Variants in NXPH1 observed in about 807,000 individuals in gnomAD.
The protein encoded by NXPH1 is neurexophilin 1, also known as neurexophilin-1.
NXPH1 carries 5 observed loss-of-function variants against 23.7 expected under a neutral mutation model. The observed-to-expected ratio is 0.21, with a 90% CI of 0.11 to 0.44. The LOEUF (loss-of-function observed/expected upper bound fraction) is 0.44, where lower values mean the gene tolerates loss of function less well. NXPH1 is among the 20% of genes least tolerant of loss of function. The pLI, the probability that NXPH1 is intolerant of heterozygous loss-of-function variation, is 0.99. For missense variants in NXPH1, 324 were observed against 321.6 expected (o/e 1.01, Z -0.06); for synonymous variants, 144 against 122.2 (o/e 1.18, Z -1.18).
chr7:8,507,169 G>A (rs1186528521), intron 2 of NXPH1, among the ~76,000 whole-genome samples: 1 of 151,654 alleles, frequency 6.6e-6, no homozygotes, highest in African/African-American at 2.4e-5. Flanking sequence ...ATTGGGTTTA[G>A]CTATGGGTTA....
At chr7:8,643,233 G>C (rs939224637) in intron 2 of NXPH1, among the ~76,000 whole-genome samples, 9 of 152,120 alleles carry the variant, frequency 5.9e-5, no homozygotes, top group Non-Finnish European at 8.8e-5. Flanking sequence ...ATGATAAATA[G>C]CTGGTACATT....
At chr7:8,443,642 A>C (rs1379279394) in intron 2 of NXPH1, among the ~76,000 whole-genome samples, 2 of 152,246 alleles carry the variant, frequency 1.3e-5, no homozygotes. Context: ...CACGGGGAGC[A>C]GGACAAACCA....
At chr7:8,669,354 G>A (rs558532421) in intron 2 of NXPH1, among the ~76,000 whole-genome samples, 15 of 152,208 alleles carry the variant, frequency 9.9e-5, no homozygotes, top group African/African-American at 3.1e-4. Context: ...CAAAGGGCCT[G>A]GCCTAGAGGT....
intron 2 of NXPH1, among the ~76,000 whole-genome samples, chr7:8,686,704 C>A (rs550254954): frequency 6.6e-6 from 1 of 152,198 alleles, no homozygotes; most frequent in African/African-American, 2.4e-5. Context: ...TGGTTCTAAT[C>A]TTGTTAAATT....
intron 2 of NXPH1, among the ~76,000 whole-genome samples, chr7:8,722,195 G>A (rs1779980714): frequency 1.3e-5 from 2 of 151,914 alleles, no homozygotes; most frequent in South Asian, 4.1e-4. Flanking sequence ...TAATATTATA[G>A]TTATTTAACA....
At chr7:8,750,168 T>C (rs749522154) in intron 2 of NXPH1, among the ~76,000 whole-genome samples, 7 of 152,210 alleles carry the variant, frequency 4.6e-5, no homozygotes, top group Admixed American at 2.0e-4. Flanking sequence ...TTGCTTATTA[T>C]AGGTGATAGT....
At chr7:8,750,145 T>C (rs17154764) in intron 2 of NXPH1, among the ~76,000 whole-genome samples, 1,882 of 152,312 alleles carry the variant, frequency 0.012, 35 homozygotes, top group African/African-American at 0.043. Flanking sequence ...TTATGTCTTA[T>C]TCAATATATT....
chr7:8,609,756 G>A (rs1034755216), intron 2 of NXPH1, among the ~76,000 whole-genome samples: 4 of 152,094 alleles, frequency 2.6e-5, no homozygotes, highest in African/African-American at 9.7e-5. Flanking sequence ...TTTCTCCCAA[G>A]CTCTCAGAGC....
At chr7:8,495,313 A>C (rs1348282607) in intron 2 of NXPH1, among the ~76,000 whole-genome samples, 2 of 120,012 alleles carry the variant, frequency 1.7e-5, no homozygotes, top group African/African-American at 6.9e-5. Flanking sequence ...AGACCCACCC[A>C]CATTATGGAG....
intron 2 of NXPH1, among the ~76,000 whole-genome samples, chr7:8,557,610 C>T (rs1377368048): frequency 6.6e-6 from 1 of 151,618 alleles, no homozygotes; most frequent in African/African-American, 2.4e-5. Flanking sequence ...ATGTACCCAG[C>T]AGTAATGGGG....
intron 2 of NXPH1, among the ~76,000 whole-genome samples, chr7:8,487,501 A>G (rs145206120): frequency 2.0e-5 from 3 of 152,212 alleles, no homozygotes; most frequent in East Asian, 1.9e-4. Context: ...TAAATTACCT[A>G]TTCATGGGTA....
chr7:8,449,699 G>A (rs1757186307), intron 2 of NXPH1, among the ~76,000 whole-genome samples: 1 of 152,192 alleles, frequency 6.6e-6, no homozygotes, highest in African/African-American at 2.4e-5. Context: ...TGTTATGTTT[G>A]TGTTGGAGAG....
intron 2 of NXPH1, among the ~76,000 whole-genome samples, chr7:8,670,976 C>T (rs1432134142): frequency 6.6e-6 from 1 of 152,128 alleles, no homozygotes; most frequent in Admixed American, 6.5e-5. Context: ...TACTCATCTG[C>T]CTGAGTCATC....
intron 2 of NXPH1, among the ~76,000 whole-genome samples, chr7:8,542,475 C>G (rs1390331442): frequency 1.3e-5 from 2 of 151,486 alleles, no homozygotes; most frequent in African/African-American, 2.4e-5. Context: ...AAAAATTGAT[C>G]TAATCTGCAG....
At position 8,710,640 on chromosome 7, in the gene NXPH1, GTTTTTTGTTTTTTTTTTTT is replaced by G. The variant is rs1438100087; in HGVS notation, c.55-40361_55-40343del. ...TTGAACAAAGCATGTCAACTGTTAC[GTTTTTTGTTTTTTTTTTTT>G]TTTTTTTTTTTTTTGAGACGGAGTC... is the stretch of plus-strand genomic sequence containing the variant. On this transcript the variant is annotated intron_variant, in intron 2 of 2. Transcript: ENST00000405863. 1.4e-4 allele frequency among the ~76,000 whole-genome samples: 4 copies of G among 27,672 alleles called. 1 individual carries two copies. The highest frequency in any genetic ancestry group is 2.4e-4 in the Non-Finnish European group (4 of 16,372). 18.2% of individuals were successfully genotyped at this position (27,672 alleles called of 152,430 possible).
chr7:8,606,960 T>G (rs982367698), intron 2 of NXPH1, among the ~76,000 whole-genome samples: 1 of 152,166 alleles, frequency 6.6e-6, no homozygotes, highest in African/African-American at 2.4e-5. Context: ...GATTGCTTGA[T>G]TTCTGATGTT....
intron 2 of NXPH1, among the ~76,000 whole-genome samples, chr7:8,646,187 A>G (rs1195028818): frequency 1.3e-5 from 2 of 151,954 alleles, no homozygotes; most frequent in Non-Finnish European, 2.9e-5. Flanking sequence ...TTCTATGATG[A>G]CCCTGTGTCA....
intron 2 of NXPH1, among the ~76,000 whole-genome samples, chr7:8,605,597 T>C (rs1479759990): frequency 6.6e-6 from 1 of 152,166 alleles, no homozygotes; most frequent in Admixed American, 6.6e-5. Context: ...TTTCACATCC[T>C]TTATGATTGT....
chr7:8,460,774 C>T (rs928555991), intron 2 of NXPH1, among the ~76,000 whole-genome samples: 2 of 152,192 alleles, frequency 1.3e-5, no homozygotes, highest in Non-Finnish European at 2.9e-5. Flanking sequence ...AATCTCAGCA[C>T]TCCCAATTAT....
Sources: allele counts gnomAD v4.1 joint callset (sites outside exome capture counted in the v4.1 genomes callset), GRCh38; gene constraint gnomAD v4.1.1; transcripts MANE v1.5; gene names NCBI Gene and HGNC (gene_info 2026-07-23, HGNC 2026-07-21).